Variants in NUMBL observed in about 807,000 individuals in gnomAD.
The protein encoded by NUMBL is numb-like protein.
A neutral mutation model predicts 48.9 loss-of-function variants in NUMBL; 20 were observed. That is an observed-to-expected ratio of 0.41 (90% CI 0.29 to 0.59). The LOEUF (loss-of-function observed/expected upper bound fraction) is 0.59, where lower values mean the gene tolerates loss of function less well. NUMBL is among the 20% of genes least tolerant of loss of function. NUMBL has a pLI of 0.31. For synonymous variants in NUMBL, 340 were observed against 348.7 expected, an observed-to-expected ratio of 0.98 and a Z score of 0.28; for missense variants, 660 against 846.2, an observed-to-expected ratio of 0.78 and a Z score of 2.73.
chr19:40,673,360 G>A lies in NUMBL; in HGVS notation c.1020C>T (p.Phe340=), dbSNP rs550645531. ...AGGGCTCACCTGTGCCCTTCACCTG[G>A]AAGTCAGTGCGGCGCTGCAGCGTGG... is the stretch of plus-strand genomic sequence containing the variant. ...LPSTLQRRTD[F]QVKGTVPEME... Residue 340 remains phenylalanine (F), a synonymous_variant, in exon 8 of 10, where the codon TTC becomes TTT. Transcript: ENST00000252891. This position sits in a 1 kb window ranked among gnomAD's most constrained non-coding sequence, Gnocchi z 5.9. 2.9e-4 allele frequency: 471 copies of A among 1,612,336 alleles called. 3 individuals are homozygous for A. In the South Asian group the frequency reaches 5.0e-3, roughly 17 times the overall value.
Position 40,668,036 on chromosome 19 carries a change from G to A in NUMBL, c.1262C>T (p.Ser421Leu). 6.3e-7 allele frequency: 1 copy of A among 1,578,652 alleles called. No homozygotes were observed. The highest frequency in any genetic ancestry group is 8.6e-7 in the Non-Finnish European group (1 of 1,162,570). ...CTGCTGCTGGGCCTTGGCCACCTGT[G>A]ACACCTCCTCCAGCCATCGCTCAGC... ...SEAERWLEEVSQVAKAQQQQQ... is the reference protein window; with the variant it reads ...SEAERWLEEVLQVAKAQQQQQ... The change falls in exon 10 of 10, where the codon TCA becomes TTA. Residue 421 changes from serine to leucine, a missense_variant. Physicochemically the swap from Ser to Leu is moderately radical, Grantham distance 145. Around this residue, in one of 3 missense-constraint regions of NUMBL, gnomAD observed 296 missense variants for 339.7 expected, o/e 0.87. Transcript: ENST00000252891.
At chr19:40,669,748 G>T (rs1224799448) in intron 9 of NUMBL, 150 bp downstream of exon 9, 3 of 977,252 alleles carry the variant, frequency 3.1e-6, no homozygotes, top group Non-Finnish European at 4.4e-6. Context: ...ATGATCCATG[G>T]TTGTAGGATG....
Position 40,681,075 on chromosome 19 carries a change from G to A in NUMBL, c.400-18C>T. The A allele has an allele frequency of 6.2e-7, 1 of 1,613,492 alleles. No homozygotes were observed. Among genetic ancestry groups the A allele is most frequent in the Non-Finnish European group, 8.5e-7 (1 of 1,179,592 alleles). ...AGAAGATCCTAGGAGGGGCCGGGGAGGCCAGGAGAAGAGTGTGAACTCTCT... is the reference window on the plus strand; with the variant it reads ...AGAAGATCCTAGGAGGGGCCGGGGAAGCCAGGAGAAGAGTGTGAACTCTCT... On this transcript the variant is annotated intron_variant, in intron 5 of 9. Coordinates refer to ENST00000252891, the MANE Select transcript of NUMBL (RefSeq NM_004756.5).
At chr19:40,672,192 T>C (rs1401926489) in intron 8 of NUMBL, among the ~76,000 whole-genome samples, 1 of 152,196 alleles carries the variant, frequency 6.6e-6, no homozygotes, top group East Asian at 1.9e-4. Context: ...ACATCACTTT[T>C]AGATCATGAT....
At chr19:40,674,049 T>C (rs558095393) in intron 7 of NUMBL, among the ~76,000 whole-genome samples, 104 of 152,252 alleles carry the variant, frequency 6.8e-4, no homozygotes, top group African/African-American at 2.4e-3. Context: ...TCCACACGAC[T>C]ACCCATGGGG....
chr19:40,670,617 T>C (rs1023443153), intron 8 of NUMBL, among the ~76,000 whole-genome samples: 6 of 152,198 alleles, frequency 3.9e-5, no homozygotes, highest in African/African-American at 7.2e-5. Context: ...GTGTGACACA[T>C]GTCTGTGATG....
chr19:40,674,056 G>A (rs1484928534), intron 7 of NUMBL, among the ~76,000 whole-genome samples: 1 of 152,112 alleles, frequency 6.6e-6, no homozygotes, highest in Non-Finnish European at 1.5e-5. Context: ...GACTACCCAT[G>A]GGGTTGATAT....
Position 40,667,921 on chromosome 19 carries a change from G to A in NUMBL, c.1377C>T (p.Ala459=), listed in dbSNP as rs2081821704. ...SVAPVPTMPP[A]LQPFPAPVGP... ...CCACGGGGGCGGGGAAAGGCTGCAG[G>A]GCAGGAGGCATGGTGGGCACTGGGG... The change falls in exon 10 of 10, where the codon GCC becomes GCT. Residue 459 remains alanine, a synonymous_variant. Coordinates refer to ENST00000252891, the MANE Select transcript of NUMBL (RefSeq NM_004756.5). This position sits in a 1 kb window ranked among gnomAD's most constrained non-coding sequence, Gnocchi z 6.1. 3 of 1,570,624 alleles carry A rather than the reference G, an allele frequency of 1.9e-6. No individual in the cohort carries two copies. Among genetic ancestry groups the A allele is most frequent in the South Asian group, 1.2e-5 (1 of 85,778 alleles).
chr19:40,673,034 A>C lies in NUMBL; in HGVS notation c.1036+310T>G, dbSNP rs1462806901. On this transcript the variant is annotated intron_variant, in intron 8 of 9. Coordinates refer to ENST00000252891, the MANE Select transcript of NUMBL (RefSeq NM_004756.5). This position sits in a 1 kb window ranked among gnomAD's most constrained non-coding sequence, Gnocchi z 5.9. The stretch of plus-strand genomic sequence containing the variant: ...TTGTCCATAGCCGACTTTGCTAACT[A>C]ATCATGATGTGTGTCATCTTTCTCC... Among the ~76,000 whole-genome samples, 1 of 150,438 alleles carries C rather than the reference A, an allele frequency of 6.6e-6. No homozygotes were observed. Among genetic ancestry groups the C allele is most frequent in the African/African-American group, 2.5e-5 (1 of 40,724 alleles).
chr19:40,673,460 C>T lies in NUMBL; in HGVS notation c.920G>A (p.Arg307His), dbSNP rs1260728270. 3.7e-6 allele frequency: 6 copies of T among 1,607,774 alleles called. No individual in the cohort carries two copies. Among genetic ancestry groups the T allele is most frequent in the Non-Finnish European group, 5.1e-6 (6 of 1,177,246 alleles). The part of the protein sequence containing the change: ...LEQLVRQGSF[R>H]GFPALSQKNS... ...CTTCTGGCTGAGTGCTGGGAACCCA[C>T]GGAAGGAGCCCTGGCGAACCAGCTG... The change falls in exon 8 of 10, where the codon CGT becomes CAT. Residue 307 changes from arginine to histidine, a missense_variant. By Grantham distance (29) the Arg-to-His change is conservative (BLOSUM62 0). Coordinates refer to ENST00000252891, the MANE Select transcript of NUMBL (RefSeq NM_004756.5). The surrounding 1 kb of genome is among the most constrained non-coding windows in gnomAD (Gnocchi z 5.9).
At chr19:40,681,518 C>T (rs1411426314) in intron 5 of NUMBL, among the ~76,000 whole-genome samples, 1 of 152,178 alleles carries the variant, frequency 6.6e-6, no homozygotes, top group Non-Finnish European at 1.5e-5. Flanking sequence ...AGGGCAGTCT[C>T]TGGGCTGGGG....
intron 3 of NUMBL, chr19:40,684,129 C>T (rs1465388248): frequency 1.4e-5 from 4 of 291,826 alleles, no homozygotes; most frequent in East Asian, 1.9e-4. Context: ...AGTGCAATGG[C>T]GCTATCTCGG....
In NUMBL at chr19:40,667,925, G is replaced by A; in HGVS notation, c.1373C>T (p.Pro458Leu). Reference protein sequence around the residue: ...ASVAPVPTMPPALQPFPAPVG... With the variant: ...ASVAPVPTMPLALQPFPAPVG... ...GGGGGCGGGGAAAGGCTGCAGGGCA[G>A]GAGGCATGGTGGGCACTGGGGCCAC... The change falls in exon 10 of 10, where the codon CCT (proline) becomes CTT (leucine). Residue 458 changes from proline to leucine, a missense_variant. This residue lies in a region of NUMBL where 296 missense variants were observed against 339.7 expected (regional missense o/e 0.87). Coordinates refer to ENST00000252891, the MANE Select transcript of NUMBL (RefSeq NM_004756.5). This position sits in a 1 kb window ranked among gnomAD's most constrained non-coding sequence, Gnocchi z 6.1. 1 of 1,570,426 alleles carries A rather than the reference G, an allele frequency of 6.4e-7. No homozygotes were observed. The highest frequency in any genetic ancestry group is 8.6e-7 in the Non-Finnish European group (1 of 1,157,952).
intron 7 of NUMBL, among the ~76,000 whole-genome samples, chr19:40,675,724 A>G (rs998998107): frequency 3.9e-4 from 59 of 151,800 alleles, no homozygotes; most frequent in Non-Finnish European, 6.9e-4. Context: ...TATCTTTTAT[A>G]TGGTAGCCTC....
At chr19:40,675,673 T>A (rs1342912354) in intron 7 of NUMBL, among the ~76,000 whole-genome samples, 1 of 151,470 alleles carries the variant, frequency 6.6e-6, no homozygotes, top group Non-Finnish European at 1.5e-5. Context: ...TTTTACCAAG[T>A]ATGTTTCAAA....
At chr19:40,684,944 G>A in intron 2 of NUMBL, 1 of 230,930 alleles carries the variant, frequency 4.3e-6, no homozygotes, top group Non-Finnish European at 8.7e-6. Context: ...GGGCATGGGG[G>A]CTAGAGGGCA....
In NUMBL at chr19:40,682,696, C is replaced by A. The variant is rs2081911017; in HGVS notation, c.399+32G>T. On this transcript the variant is annotated intron_variant, in intron 5 of 9. Coordinates refer to ENST00000252891, the MANE Select transcript of NUMBL (RefSeq NM_004756.5). This position sits in a 1 kb window ranked among gnomAD's most constrained non-coding sequence, Gnocchi z 4.0. ...GATTCCAGCAGGGTGAGCAGACAGG[C>A]CCCCTGGCGTCCACCCCCACAGGCC... 1 of 1,604,734 alleles carries A rather than the reference C, an allele frequency of 6.2e-7. No homozygotes were observed. Among genetic ancestry groups the A allele is most frequent in the Non-Finnish European group, 8.5e-7 (1 of 1,173,324 alleles).
At chr19:40,670,852 C>T (rs565348349) in intron 8 of NUMBL, among the ~76,000 whole-genome samples, 2 of 152,142 alleles carry the variant, frequency 1.3e-5, no homozygotes, top group African/African-American at 4.8e-5. Context: ...GTGCATCTGC[C>T]GTGTGATGTA....
rs756783580 is a variant in NUMBL at position 40,680,916 on chromosome 19, C to T, written c.540+1G>A. ...AGTTGGCCAGCTGTGGCAATACTCACGGAGTCCTTCAGTGCCAGAAAACAG... is the reference window on the plus strand; with the variant it reads ...AGTTGGCCAGCTGTGGCAATACTCATGGAGTCCTTCAGTGCCAGAAAACAG... On this transcript the variant is annotated splice_donor_variant, in intron 6 of 9. Coordinates refer to ENST00000252891, the MANE Select transcript of NUMBL (RefSeq NM_004756.5). LOFTEE classifies it high-confidence loss of function. 5 of 1,614,020 alleles carry T rather than the reference C, an allele frequency of 3.1e-6. No homozygotes were observed. Among genetic ancestry groups the T allele is most frequent in the Admixed American group, 1.7e-5 (1 of 60,006 alleles).
Sources: allele counts gnomAD v4.1 joint callset (sites outside exome capture counted in the v4.1 genomes callset), GRCh38; gene constraint gnomAD v4.1.1; regional missense constraint gnomAD v4.1.1; non-coding constraint Gnocchi (gnomAD v3.1); transcripts MANE v1.5; gene names NCBI Gene and HGNC (gene_info 2026-07-23, HGNC 2026-07-21).